Variants in CLEC16A observed in about 807,000 individuals in gnomAD.
CLEC16A encodes C-type lectin domain containing 16A.
A neutral mutation model predicts 109.5 loss-of-function variants in CLEC16A; 51 were observed. The observed-to-expected ratio is 0.47, with a 90% CI of 0.37 to 0.59. The LOEUF is 0.59. Among genes scored for constraint, CLEC16A ranks in the 20% least tolerant of loss-of-function variants. The pLI, the probability that CLEC16A is intolerant of heterozygous loss-of-function variation, is 0.00. For missense variants in CLEC16A, 1,339 were observed against 1,394.0 expected, an observed-to-expected ratio of 0.96 and a Z score of 0.63; for synonymous variants, 673 against 564.2, an observed-to-expected ratio of 1.19 and a Z score of -2.73.
At chr16:11,144,782 G>C (rs1040759652) in intron 22 of CLEC16A, among the ~76,000 whole-genome samples, 1 of 152,242 alleles carries the variant, frequency 6.6e-6, no homozygotes, top group Non-Finnish European at 1.5e-5. Context: ...CTTGGGGTAG[G>C]AGGGATTCTG....
At chr16:11,164,730 A>G (rs1002136893) in intron 22 of CLEC16A, among the ~76,000 whole-genome samples, 1 of 152,220 alleles carries the variant, frequency 6.6e-6, no homozygotes, top group East Asian at 1.9e-4. Flanking sequence ...TCTGTAAACA[A>G]AGGACCGTGG....
At chr16:11,072,379 A>G (rs2049125373) in intron 19 of CLEC16A, among the ~76,000 whole-genome samples, 1 of 152,152 alleles carries the variant, frequency 6.6e-6, no homozygotes. Context: ...TCGGCTTCCC[A>G]ATGTACTGGG....
intron 11 of CLEC16A, among the ~76,000 whole-genome samples, chr16:11,011,053 G>A (rs529815364): frequency 1.3e-5 from 2 of 152,230 alleles, no homozygotes; most frequent in African/African-American, 4.8e-5. Context: ...TGTTCGTTTT[G>A]GTCACATGAC....
intron 19 of CLEC16A, among the ~76,000 whole-genome samples, chr16:11,084,822 G>A (rs559134791): frequency 1.3e-5 from 2 of 152,272 alleles, no homozygotes; most frequent in South Asian, 2.1e-4. Context: ...AGCGCCTCTC[G>A]AAGACACTGT....
chr16:11,071,365 C>G (rs576297901), intron 19 of CLEC16A, among the ~76,000 whole-genome samples: 29 of 152,208 alleles, frequency 1.9e-4, no homozygotes, highest in African/African-American at 5.5e-4. Context: ...TTCTAGAAGA[C>G]AGCCGACCTG....
intron 7 of CLEC16A, among the ~76,000 whole-genome samples, chr16:10,973,602 T>G (rs1466315627): frequency 2.0e-5 from 3 of 152,010 alleles, no homozygotes; most frequent in Non-Finnish European, 4.4e-5. Context: ...AGAGTATTGC[T>G]CTGTCACCCA....
At chr16:11,086,360 A>G (rs2050007899) in intron 19 of CLEC16A, among the ~76,000 whole-genome samples, 1 of 152,192 alleles carries the variant, frequency 6.6e-6, no homozygotes. Context: ...TGGGGCTAGG[A>G]ACTGTTTCCC....
chr16:11,084,568 C>G (rs1288579472), intron 19 of CLEC16A, among the ~76,000 whole-genome samples: 1 of 152,198 alleles, frequency 6.6e-6, no homozygotes, highest in Non-Finnish European at 1.5e-5. Flanking sequence ...ACCTCCTGGT[C>G]TGACAGACAT....
intron 19 of CLEC16A, among the ~76,000 whole-genome samples, chr16:11,111,934 C>G (rs2051614986): frequency 6.6e-6 from 1 of 152,240 alleles, no homozygotes; most frequent in Non-Finnish European, 1.5e-5. Context: ...TAAATTTACT[C>G]TCGCATGTGC....
Position 11,174,242 on chromosome 16 carries a change from G to A in CLEC16A, c.2807-4093G>A. The A allele has an allele frequency of 2.1e-6, 1 of 467,292 alleles. No homozygotes were observed. 28.9% of individuals were successfully genotyped at this position (467,292 alleles called of 1,614,324 possible). On this transcript the variant is annotated intron_variant, in intron 23 of 23. Coordinates refer to ENST00000409790, the MANE Select transcript of CLEC16A (RefSeq NM_015226.3). This position sits in a 1 kb window ranked among gnomAD's most constrained non-coding sequence, Gnocchi z 4.7. Reference sequence around the variant, plus strand: ...GCCACTGGGTTTAGTGCTCCGAACGGCAGCTGCCACGGCACCTCACGCACA... The same window carrying A: ...GCCACTGGGTTTAGTGCTCCGAACGACAGCTGCCACGGCACCTCACGCACA...
chr16:11,055,934 A>G lies in CLEC16A; in HGVS notation c.1995+4293A>G, dbSNP rs369696012. Among the ~76,000 whole-genome samples, 33 of 152,166 alleles carry G rather than the reference A, an allele frequency of 2.2e-4. No individual in the cohort carries two copies. The South Asian group carries it at 5.6e-3, about 26-fold the overall frequency. ...CACATCACTTATTCTTTCTTTCAAC[A>G]TAGTTGTTGAACATATTCTAGGTGT... On this transcript the variant is annotated intron_variant, in intron 18 of 23. Coordinates refer to ENST00000409790, the MANE Select transcript of CLEC16A (RefSeq NM_015226.3).
chr16:11,019,769 CAAA>C (rs59863035), intron 11 of CLEC16A, among the ~76,000 whole-genome samples: 20 of 81,170 alleles, frequency 2.5e-4, no homozygotes, highest in Admixed American at 5.3e-4. Flanking sequence ...GACTCTGTCT[CAAA>C]AAAAAAAAAA....
At chr16:10,968,744 T>C (rs2146292754) in intron 3 of CLEC16A, among the ~76,000 whole-genome samples, 1 of 152,288 alleles carries the variant, frequency 6.6e-6, no homozygotes, top group African/African-American at 2.4e-5. Flanking sequence ...AAAAAAACCC[T>C]ACTGTGGCCT....
intron 19 of CLEC16A, among the ~76,000 whole-genome samples, chr16:11,075,958 A>T (rs1039743695): frequency 4.6e-5 from 7 of 152,288 alleles, no homozygotes; most frequent in Non-Finnish European, 8.8e-5. Context: ...ACCTTGGAAT[A>T]TCCTTGTTTC....
At chr16:11,004,472 T>C (rs995601999) in intron 11 of CLEC16A, among the ~76,000 whole-genome samples, 4 of 152,202 alleles carry the variant, frequency 2.6e-5, no homozygotes, top group African/African-American at 9.6e-5. Flanking sequence ...GAACACTTCC[T>C]GTGAGCCCTC....
chr16:11,175,516 TC>T (rs1401281558), intron 23 of CLEC16A, among the ~76,000 whole-genome samples: 4 of 152,148 alleles, frequency 2.6e-5, no homozygotes, highest in Non-Finnish European at 5.9e-5. Context: ...TGGGTAATTT[TC>T]CCCCCAATGA....
Position 11,061,028 on chromosome 16 carries a change from T to G in CLEC16A, c.2116+6T>G, listed in dbSNP as rs773119067. On this transcript the variant is annotated splice_donor_region_variant and intron_variant, in intron 19 of 23. Coordinates refer to ENST00000409790, the MANE Select transcript of CLEC16A (RefSeq NM_015226.3). The stretch of plus-strand genomic sequence containing the variant: ...TGATGATGTCCTGGATCTGAGTGAG[T>G]TGGCTGCTCTGAGTCACAGCAGGGG... 1.9e-6 allele frequency: 3 copies of G among 1,600,528 alleles called. No individual in the cohort carries two copies. Among genetic ancestry groups the G allele is most frequent in the Admixed American group, 3.4e-5 (2 of 59,062 alleles).
chr16:11,123,749 A>G lies in CLEC16A; in HGVS notation c.2276A>G (p.Gln759Arg), dbSNP rs759596962. The G allele has an allele frequency of 1.2e-6, 2 of 1,614,086 alleles. No homozygotes were observed. Among genetic ancestry groups the G allele is most frequent in the Non-Finnish European group, 1.7e-6 (2 of 1,179,898 alleles). ...TTGCTTCTCACTGTGCAGGACATGC[A>G]GGTGACTGGCGTGGAGGACGACAGC... ...VKFAGLLQDMQVTGVEDDSRA... is the reference protein window; with the variant it reads ...VKFAGLLQDMRVTGVEDDSRA... The change falls in exon 21 of 24, where the codon CAG becomes CGG. Residue 759 changes from glutamine (Q) to arginine (R), a missense_variant. Physicochemically the swap from Gln to Arg is conservative, Grantham distance 43. Transcript: ENST00000409790.
rs1555485466 is a variant in CLEC16A at position 11,092,357 on chromosome 16, A to AC, written c.2117-28258_2117-28257insC. Among the ~76,000 whole-genome samples the AC allele has an allele frequency of 1.5e-4, 10 of 66,616 alleles. No individual in the cohort carries two copies. In the South Asian group the frequency reaches 1.6e-3, roughly 11 times the overall value. 43.7% of individuals were successfully genotyped at this position (66,616 alleles called of 152,430 possible). On this transcript the variant is annotated intron_variant, in intron 19 of 23. Coordinates refer to ENST00000409790, the MANE Select transcript of CLEC16A (RefSeq NM_015226.3). ...AGACCTGTCTCAAAAAACAAACAAA[A>AC]ACAAACACACACACACACACACACA...
Sources: allele counts gnomAD v4.1 joint callset (sites outside exome capture counted in the v4.1 genomes callset), GRCh38; gene constraint gnomAD v4.1.1; non-coding constraint Gnocchi (gnomAD v3.1); transcripts MANE v1.5; gene names NCBI Gene and HGNC (gene_info 2026-07-23, HGNC 2026-07-21).